SPOCK1: variants seen among roughly 807,000 people sequenced by gnomAD.
SPOCK1 encodes the protein SPARC (osteonectin), cwcv and kazal like domains proteoglycan 1.
Under a neutral mutation model 55.3 loss-of-function variants are expected in SPOCK1, and 23 were observed. The ratio of observed to expected loss-of-function variants is 0.42; its 90% CI spans 0.30 to 0.59. SPOCK1 has a LOEUF of 0.59. Among genes scored for constraint, SPOCK1 ranks in the 20% least tolerant of loss-of-function variants. SPOCK1 has a pLI of 0.22. For missense variants in SPOCK1, 499 were observed against 552.5 expected (o/e 0.90, Z 0.97); for synonymous variants, 226 against 221.0 (o/e 1.02, Z -0.20).
At chr5:137,371,751 G>A (rs1042064192) in intron 2 of SPOCK1, among the ~76,000 whole-genome samples, 5 of 152,144 alleles carry the variant, frequency 3.3e-5, no homozygotes, top group East Asian at 3.8e-4. Flanking sequence ...TGATGATGAC[G>A]ATAATGTCAA....
At position 137,339,663 on chromosome 5, in the gene SPOCK1, A is replaced by G. The variant is rs113878737; in HGVS notation, c.187-72608T>C. ...TTTTTTTCAATCAGTATTCTGTCTC[A>G]TTACACTGGAAGAGTCCAGACGGGT... On this transcript the variant is annotated intron_variant, in intron 2 of 10. Coordinates refer to ENST00000394945, the MANE Select transcript of SPOCK1 (RefSeq NM_004598.4). Among the ~76,000 whole-genome samples the G allele has an allele frequency of 4.5e-3, 682 of 151,964 alleles. 5 individuals are homozygous for G. Among genetic ancestry groups the G allele is most frequent in the African/African-American group, 0.015 (608 of 41,422 alleles).
chr5:137,101,224 A>G (rs1168866174), intron 5 of SPOCK1, among the ~76,000 whole-genome samples: 1 of 152,256 alleles, frequency 6.6e-6, no homozygotes, highest in Non-Finnish European at 1.5e-5. Flanking sequence ...CAGTGATTTA[A>G]TTAGGCTTAT....
At chr5:137,255,764 A>T (rs946926306) in intron 3 of SPOCK1, among the ~76,000 whole-genome samples, 1 of 152,224 alleles carries the variant, frequency 6.6e-6, no homozygotes, top group South Asian at 2.1e-4. Context: ...CAAGGGCCTG[A>T]GAGTGACACA....
intron 2 of SPOCK1, among the ~76,000 whole-genome samples, chr5:137,442,601 C>G (rs557605327): frequency 7.2e-5 from 11 of 152,328 alleles, no homozygotes; most frequent in African/African-American, 2.6e-4. Context: ...TGCCCACACT[C>G]ACACTAACCG....
chr5:137,102,693 T>C (rs187170967), intron 5 of SPOCK1, among the ~76,000 whole-genome samples: 1 of 152,216 alleles, frequency 6.6e-6, no homozygotes, highest in East Asian at 1.9e-4. Context: ...AGGGTTCAAA[T>C]ATCTACTCTG....
At chr5:137,114,261 A>T (rs547785279) in intron 4 of SPOCK1, among the ~76,000 whole-genome samples, 9 of 152,326 alleles carry the variant, frequency 5.9e-5, no homozygotes, top group African/African-American at 2.2e-4. Flanking sequence ...GGGAAAACTG[A>T]AACTCAATGA....
At chr5:137,056,252 C>T (rs1752298241) in intron 6 of SPOCK1, among the ~76,000 whole-genome samples, 1 of 152,018 alleles carries the variant, frequency 6.6e-6, no homozygotes, top group Non-Finnish European at 1.5e-5. Context: ...GTTGCAGCTA[C>T]ACAACCATGT....
At chr5:137,290,679 G>C (rs139058749) in intron 2 of SPOCK1, among the ~76,000 whole-genome samples, 55 of 152,298 alleles carry the variant, frequency 3.6e-4, no homozygotes, top group African/African-American at 1.2e-3. Context: ...GATTGACATG[G>C]GCCACTGCTT....
At chr5:137,130,263 A>AT (rs1289837846) in intron 4 of SPOCK1, among the ~76,000 whole-genome samples, 3 of 151,990 alleles carry the variant, frequency 2.0e-5, no homozygotes, top group Non-Finnish European at 4.4e-5. Flanking sequence ...TTAGATACTT[A>AT]TTTTTTTTCA....
intron 4 of SPOCK1, among the ~76,000 whole-genome samples, chr5:137,117,133 C>T (rs1048191473): frequency 2.6e-5 from 4 of 152,340 alleles, no homozygotes; most frequent in South Asian, 2.1e-4. Flanking sequence ...CCATGCTGGA[C>T]ACCTCCATCT....
chr5:136,988,386 C>T (rs1288703898), intron 8 of SPOCK1, 36 bp downstream of exon 8: 21 of 1,586,230 alleles, frequency 1.3e-5, no homozygotes, highest in Non-Finnish European at 1.6e-5. Flanking sequence ...CAAGGCTGCC[C>T]TGGGCTAGGG....
chr5:137,195,053 C>A (rs1239593180), intron 3 of SPOCK1, among the ~76,000 whole-genome samples: 1 of 152,206 alleles, frequency 6.6e-6, no homozygotes, highest in Non-Finnish European at 1.5e-5. Context: ...CAACCAGGCC[C>A]CCAATCCCTA....
At chr5:137,202,406 T>C (rs548978257) in intron 3 of SPOCK1, among the ~76,000 whole-genome samples, 4 of 152,334 alleles carry the variant, frequency 2.6e-5, no homozygotes, top group Admixed American at 6.5e-5. Flanking sequence ...TCATGCAACA[T>C]GACAAACCAG....
intron 3 of SPOCK1, among the ~76,000 whole-genome samples, chr5:137,171,205 G>A (rs753611200): frequency 1.3e-5 from 2 of 152,024 alleles, no homozygotes; most frequent in Non-Finnish European, 2.9e-5. Flanking sequence ...CTCCCATCAC[G>A]CTCGCCTCTG....
At chr5:137,121,022 G>C (rs948775694) in intron 4 of SPOCK1, among the ~76,000 whole-genome samples, 1 of 152,148 alleles carries the variant, frequency 6.6e-6, no homozygotes, top group African/African-American at 2.4e-5. Flanking sequence ...TTGAGGGCCT[G>C]TTTAAGCTAA....
At chr5:137,035,810 A>G (rs1751874930) in intron 6 of SPOCK1, among the ~76,000 whole-genome samples, 1 of 152,226 alleles carries the variant, frequency 6.6e-6, no homozygotes, top group South Asian at 2.1e-4. Flanking sequence ...CTTCTCTCTT[A>G]GCTAAGCTGA....
chr5:137,398,931 CA>C (rs1292082791), intron 2 of SPOCK1, among the ~76,000 whole-genome samples: 1 of 152,090 alleles, frequency 6.6e-6, no homozygotes, highest in Non-Finnish European at 1.5e-5. Context: ...TTGGATTTTC[CA>C]AAAACCTGAC....
At chr5:137,104,166 G>A (rs1310615615) in intron 5 of SPOCK1, among the ~76,000 whole-genome samples, 2 of 152,186 alleles carry the variant, frequency 1.3e-5, no homozygotes, top group African/African-American at 4.8e-5. Flanking sequence ...TTGGACCATA[G>A]GGGCTGATCC....
intron 5 of SPOCK1, among the ~76,000 whole-genome samples, chr5:137,112,147 C>T (rs1753487591): frequency 6.6e-6 from 1 of 152,194 alleles, no homozygotes; most frequent in African/African-American, 2.4e-5. Flanking sequence ...AGCTGGCTAT[C>T]CCACCTTCTC....
Sources: allele counts gnomAD v4.1 joint callset (sites outside exome capture counted in the v4.1 genomes callset), GRCh38; gene constraint gnomAD v4.1.1; transcripts MANE v1.5; gene names NCBI Gene and HGNC (gene_info 2026-07-23, HGNC 2026-07-21).